Variants in STPG3 observed in about 807,000 individuals in gnomAD.
STPG3 encodes the protein sperm-tail PG-rich repeat containing 3.
In STPG3, 39 loss-of-function variants were observed where a neutral mutation model predicts 32.5. The observed-to-expected ratio is 1.20, with a 90% CI of 0.93 to 1.57. The LOEUF is 1.57. Among genes scored for constraint, STPG3 ranks in the 40% most tolerant of loss-of-function variants. STPG3 has a pLI of 0.00. For synonymous variants in STPG3, 209 were observed against 172.4 expected (o/e 1.21, Z -1.66); for missense variants, 507 against 407.6 (o/e 1.24, Z -2.10).
Position 137,253,073 on chromosome 9 carries a change from G to A in STPG3, c.797-42G>A, listed in dbSNP as rs773247255. On this transcript the variant is annotated intron_variant, in intron 5 of 5. Coordinates refer to ENST00000412566, the MANE Select transcript of STPG3 (RefSeq NM_001004353.4). ...GAACTGGGAGCCAGGTTTGAGTTGG[G>A]GCTGCTACCTGGGTGGGGCTCCCAG... is the stretch of plus-strand genomic sequence containing the variant. The A allele has an allele frequency of 1.9e-6, 3 of 1,541,650 alleles. No homozygotes were observed. In the African/African-American group the frequency reaches 4.1e-5, roughly 21 times the overall value.
In STPG3 at chr9:137,251,849, C is replaced by A. The variant is rs746990118; in HGVS notation, c.222C>A (p.Thr74=). The A allele has an allele frequency of 1.9e-6, 3 of 1,607,744 alleles. No individual in the cohort carries two copies. In the African/African-American group the frequency reaches 4.0e-5, roughly 22 times the overall value. Residue 74 remains threonine (T), a synonymous_variant, in exon 2 of 6, where the codon ACC becomes ACA. Transcript: ENST00000412566. ...IPVGLRLQTG[T]PQESLPTYTQ... is the part of the protein sequence containing the mutation. ...TTGGCCTCAGGTTACAGACGGGCAC[C>A]CCCCAGGAGTCCCTGCCCACCTACA...
Position 137,252,693 on chromosome 9 carries a change from GCCGGCCCGC to G in STPG3, c.526_534del (p.Arg176_Ala178del). 6.4e-7 allele frequency: 1 copy of G among 1,550,914 alleles called. No individual in the cohort carries two copies. Among genetic ancestry groups the G allele is most frequent in the Admixed American group, 2.0e-5 (1 of 51,260 alleles). ...TCGCCAGCCCACTACCAGCTGCTCA[GCCGGCCCGC>G]CTTCCCCGCCTTCAGCTTCAGAGGC... On this transcript the variant is annotated inframe_deletion, in exon 5 of 6. Coordinates refer to ENST00000412566, the MANE Select transcript of STPG3 (RefSeq NM_001004353.4).
chr9:137,252,362 G>A (rs546655671), intron 3 of STPG3, 75 bp from the exon 4 acceptor site: 12 of 1,481,320 alleles, frequency 8.1e-6, no homozygotes, highest in African/African-American at 2.8e-5. Context: ...GGTGGGAACC[G>A]GGAGACAGGT....
In STPG3 at chr9:137,252,153, G is replaced by A. The variant is rs372285801; in HGVS notation, c.403+18G>A. On this transcript the variant is annotated intron_variant, in intron 3 of 5. Coordinates refer to ENST00000412566, the MANE Select transcript of STPG3 (RefSeq NM_001004353.4). ...GGGCCGAGGTGTGTGTCCCCTCCCT[G>A]AGGCCCAACCACCGGGCCTGTCCCT... 179 of 1,597,930 alleles carry A rather than the reference G, an allele frequency of 1.1e-4. No homozygotes were observed. The highest frequency in any genetic ancestry group is 1.4e-4 in the Non-Finnish European group (168 of 1,171,410).
intron 5 of STPG3, 58 bp from the exon 6 acceptor site, chr9:137,253,057 G>A: frequency 1.3e-6 from 2 of 1,538,626 alleles, no homozygotes; most frequent in South Asian, 1.2e-5. Context: ...GGAACTGGGA[G>A]CCAGGTTTGA....
chr9:137,252,684 A>G lies in STPG3; in HGVS notation c.515A>G (p.Gln172Arg), dbSNP rs1369176333. The G allele has an allele frequency of 6.5e-7, 1 of 1,549,870 alleles. No individual in the cohort carries two copies. Among genetic ancestry groups the G allele is most frequent in the Admixed American group, 2.0e-5 (1 of 51,172 alleles). ...CAGTGGCCCTCGCCAGCCCACTACC[A>G]GCTGCTCAGCCGGCCCGCCTTCCCC... Reference protein sequence around the residue: ...EQKWPSPAHYQLLSRPAFPAF... With the variant: ...EQKWPSPAHYRLLSRPAFPAF... The change falls in exon 5 of 6, where the codon CAG becomes CGG. Residue 172 changes from glutamine to arginine, a missense_variant. Gln to Arg is a conservative substitution (Grantham distance 43). Coordinates refer to ENST00000412566, the MANE Select transcript of STPG3 (RefSeq NM_001004353.4).
At position 137,252,963 on chromosome 9, in the gene STPG3, C is replaced by T. The variant is rs755176139; in HGVS notation, c.794C>T (p.Thr265Ile). Reference sequence around the variant, plus strand: ...CCTGCGTTCACCTCCTGGCTCAGCACCTGTAAGGAGGCCTGGAGAGAAGAG... The same window carrying T: ...CCTGCGTTCACCTCCTGGCTCAGCATCTGTAAGGAGGCCTGGAGAGAAGAG... ...RSPAFTSWLS[T>I]SRTPGPAAYH... Residue 265 changes from threonine to isoleucine, a missense_variant and splice_region_variant, in exon 5 of 6, where the codon ACC becomes ATC. Coordinates refer to ENST00000412566, the MANE Select transcript of STPG3 (RefSeq NM_001004353.4). 3 of 1,594,712 alleles carry T rather than the reference C, an allele frequency of 1.9e-6. No individual in the cohort carries two copies. Among genetic ancestry groups the T allele is most frequent in the Non-Finnish European group, 2.6e-6 (3 of 1,170,604 alleles).
In STPG3 at chr9:137,253,218, C is replaced by T. The variant is rs200741715; in HGVS notation, c.900C>T (p.His300=). ...AGGGTGTACGCAGACCCAAGCGCCA[C>T]GACACAGGCCCCTTCTGCACGCTCT... ...VIQGVRRPKR[H]DTGPFCTL is the part of the protein sequence containing the mutation. Residue 300 remains histidine, a synonymous_variant, in exon 6 of 6, where the codon CAC becomes CAT. Coordinates refer to ENST00000412566, the MANE Select transcript of STPG3 (RefSeq NM_001004353.4). 6.2e-5 allele frequency: 100 copies of T among 1,608,418 alleles called. No homozygotes were observed. The East Asian group carries it at 1.4e-3, about 23-fold the overall frequency.
intron 3 of STPG3, 56 bp downstream of exon 3, chr9:137,252,191 G>A: frequency 6.4e-7 from 1 of 1,566,894 alleles, no homozygotes; most frequent in Non-Finnish European, 8.7e-7. Context: ...CCCTGGGAAT[G>A]GGGGCCTTTG....
At position 137,252,807 on chromosome 9, in the gene STPG3, A is replaced by G. The variant is rs193122351; in HGVS notation, c.638A>G (p.Gln213Arg). ...PGARGLGLRV[Q>R]PQSLLQASLQ... ...GCTAGGGGGCTGGGCCTCAGGGTGC[A>G]GCCCCAGTCCCTGCTTCAGGCCTCT... Residue 213 changes from glutamine to arginine, a missense_variant, in exon 5 of 6, where the codon CAG becomes CGG. Physicochemically the swap from Gln to Arg is conservative, Grantham distance 43. Coordinates refer to ENST00000412566, the MANE Select transcript of STPG3 (RefSeq NM_001004353.4). 265 of 1,565,514 alleles carry G rather than the reference A, an allele frequency of 1.7e-4. 2 individuals are homozygous for G. The Middle Eastern group carries it at 4.5e-3, about 27-fold the overall frequency.
chr9:137,252,455 C>A lies in STPG3; in HGVS notation c.422C>A (p.Ala141Glu). The change falls in exon 4 of 6, where the codon GCA (alanine) becomes GAA (glutamate). Residue 141 changes from alanine to glutamate, a missense_variant. By Grantham distance (107) the Ala-to-Glu change is moderately radical. Coordinates refer to ENST00000412566, the MANE Select transcript of STPG3 (RefSeq NM_001004353.4). ...ACTACAGAGGGCGGTGGCCGCAGGG[C>A]ATGGCAGACTTTGTGGTTCCAGAGC... The part of the protein sequence containing the change: ...HQGREGGGRR[A>E]WQTLWFQSES... 6.2e-7 allele frequency: 1 copy of A among 1,610,932 alleles called. No homozygotes were observed. Among genetic ancestry groups the A allele is most frequent in the Non-Finnish European group, 8.5e-7 (1 of 1,178,818 alleles).
At chr9:137,251,464 G>A (rs567383482) in intron 1 of STPG3, 68 bp downstream of exon 1, 8 of 1,262,086 alleles carry the variant, frequency 6.3e-6, no homozygotes, top group Non-Finnish European at 9.1e-6. Context: ...GGGACAGTGT[G>A]GGGGGCAGGT....
chr9:137,253,262 C>T lies in STPG3; in HGVS notation c.*17C>T, dbSNP rs765687156. 1.1e-5 allele frequency: 18 copies of T among 1,597,418 alleles called. No homozygotes were observed. Among genetic ancestry groups the T allele is most frequent in the Non-Finnish European group, 1.4e-5 (17 of 1,172,802 alleles). On this transcript the variant is annotated 3_prime_UTR_variant, in exon 6 of 6. Transcript: ENST00000412566. ...ACGCTCTAGAGCCAGCTGGGCACAA[C>T]CTGCTTGGCCCGGCCACCGAGTGGA... is the stretch of plus-strand genomic sequence containing the variant.
In STPG3 at chr9:137,252,826, G is replaced by T; in HGVS notation, c.657G>T (p.Gln219His). The T allele has an allele frequency of 6.4e-7, 1 of 1,569,326 alleles. No individual in the cohort carries two copies. The change falls in exon 5 of 6, where the codon CAG becomes CAT. Residue 219 changes from glutamine (Q) to histidine (H), a missense_variant. By Grantham distance (24) the Gln-to-His change is conservative. Coordinates refer to ENST00000412566, the MANE Select transcript of STPG3 (RefSeq NM_001004353.4). ...GLRVQPQSLL[Q>H]ASLQAPGKRC... ...GGGTGCAGCCCCAGTCCCTGCTTCA[G>T]GCCTCTTTGCAGGCACCTGGCAAGA...
chr9:137,251,401 C>G lies in STPG3; in HGVS notation c.110+5C>G. 1 of 1,604,076 alleles carries G rather than the reference C, an allele frequency of 6.2e-7. No individual in the cohort carries two copies. Among genetic ancestry groups the G allele is most frequent in the South Asian group, 1.1e-5 (1 of 90,582 alleles). On this transcript the variant is annotated splice_donor_5th_base_variant and intron_variant, in intron 1 of 5. Transcript: ENST00000412566. ...GACACAACCAGAGCCCACCCAGTAA[C>G]TGGCGGAGAGGGGGAGAAGGGGCGG...
In STPG3 at chr9:137,251,901, T is replaced by C. The variant is rs1391602138; in HGVS notation, c.268+6T>C. 2 of 1,604,806 alleles carry C rather than the reference T, an allele frequency of 1.2e-6. No homozygotes were observed. Among genetic ancestry groups the C allele is most frequent in the Non-Finnish European group, 1.7e-6 (2 of 1,175,956 alleles). On this transcript the variant is annotated splice_donor_region_variant and intron_variant, in intron 2 of 5. Transcript: ENST00000412566. ...CCAGACCCTGAGGGAACTATGTGAGTGAGGGTCCTGGCCACCCCACCCCCA... is the reference window on the plus strand; with the variant it reads ...CCAGACCCTGAGGGAACTATGTGAGCGAGGGTCCTGGCCACCCCACCCCCA...
intron 1 of STPG3, 51 bp downstream of exon 1, chr9:137,251,447 G>A: frequency 7.2e-7 from 1 of 1,396,170 alleles, no homozygotes; most frequent in Admixed American, 1.7e-5. Flanking sequence ...AGTGGCCAGG[G>A]GGCTGAGGGA....
rs1440711615 is a variant in STPG3 at position 137,253,176 on chromosome 9, G to A, written c.858G>A (p.Ala286=). The A allele has an allele frequency of 2.4e-5, 38 of 1,604,970 alleles. No homozygotes were observed. The highest frequency in any genetic ancestry group is 9.0e-5 in the East Asian group (4 of 44,632). Residue 286 remains alanine (A), a synonymous_variant, in exon 6 of 6, where the codon GCG becomes GCA. Transcript: ENST00000412566. ...VEDCNSRFPS[A]PGVVIQGVRR... is the part of the protein sequence containing the mutation. ...ACTGCAACTCACGCTTCCCTTCGGC[G>A]CCTGGCGTGGTCATCCAGGGTGTAC...
intron 1 of STPG3, 77 bp from the exon 2 acceptor site, chr9:137,251,661 A>G (rs1320047160): frequency 6.0e-6 from 9 of 1,492,942 alleles, no homozygotes; most frequent in Non-Finnish European, 8.1e-6. Flanking sequence ...CTGAGGGACA[A>G]TAGAGGGGAC....
Sources: gnomAD v4.1 joint callset for allele counts on GRCh38, gnomAD v4.1.1 for gene constraint, MANE v1.5 for transcripts, NCBI Gene and HGNC (gene_info 2026-07-23, HGNC 2026-07-21) for gene names.